DSEL: variants seen among roughly 807,000 people sequenced by gnomAD.
The protein encoded by DSEL is dermatan sulfate epimerase like.
Under a neutral mutation model 96.6 loss-of-function variants are expected in DSEL, and 61 were observed. The ratio of observed to expected loss-of-function variants is 0.63; its 90% CI spans 0.51 to 0.78. The LOEUF (loss-of-function observed/expected upper bound fraction) is 0.78, where lower values mean the gene tolerates loss of function less well. DSEL is among the 30% of genes least tolerant of loss of function. DSEL has a pLI of 0.00. For synonymous variants in DSEL, 514 were observed against 502.0 expected, an observed-to-expected ratio of 1.02 and a Z score of -0.32; for missense variants, 1,320 against 1,430.8, an observed-to-expected ratio of 0.92 and a Z score of 1.25.
intron 1 of DSEL, among the ~76,000 whole-genome samples, 186 bp from the exon 2 acceptor site, chr18:67,515,678 T>G (rs1171610170): frequency 3.9e-5 from 6 of 152,190 alleles, no homozygotes; most frequent in African/African-American, 1.2e-4. Flanking sequence ...ACGCACTTAT[T>G]TGGAAACCAG....
Position 67,513,030 on chromosome 18 carries a change from T to G in DSEL, c.1579A>C (p.Lys527Gln), listed in dbSNP as rs762297300. Reference protein sequence around the residue: ...GQLGECAQWLKWTGEEVGDAA... With the variant: ...GQLGECAQWLQWTGEEVGDAA... The stretch of plus-strand genomic sequence containing the variant: ...TCACCAACCTCCTCGCCAGTCCACT[T>G]AAGCCACTGCGCACATTCTCCCAGT... The change falls in exon 2 of 2, where the codon AAG becomes CAG. Residue 527 changes from lysine (K) to glutamine (Q), a missense_variant. By Grantham distance (53) the Lys-to-Gln change is moderately conservative (BLOSUM62 1). Around this residue, in one of 3 missense-constraint regions of DSEL, gnomAD observed 986 missense variants for 1,066.4 expected, o/e 0.92. Coordinates refer to ENST00000310045, the MANE Select transcript of DSEL (RefSeq NM_032160.3). 29 of 1,614,098 alleles carry G rather than the reference T, an allele frequency of 1.8e-5. No homozygotes were observed. The highest frequency in any genetic ancestry group is 2.3e-5 in the Non-Finnish European group (27 of 1,180,050).
In DSEL at chr18:67,510,645, A is replaced by C; in HGVS notation, c.*325T>G. The stretch of plus-strand genomic sequence containing the variant: ...TCTAGATAGATTAGCACAGTTACAG[A>C]TGAAGGGGAGTTAGACAAAAACTTA... On this transcript the variant is annotated 3_prime_UTR_variant, in exon 2 of 2. Coordinates refer to ENST00000310045, the MANE Select transcript of DSEL (RefSeq NM_032160.3). 1 of 269,860 alleles carries C rather than the reference A, an allele frequency of 3.7e-6. No individual in the cohort carries two copies. Among genetic ancestry groups the C allele is most frequent in the East Asian group, 7.2e-5 (1 of 13,856 alleles). 16.7% of individuals were successfully genotyped at this position (269,860 alleles called of 1,614,324 possible). A position where few individuals can be genotyped will look rare whatever the true frequency, so the allele number is the denominator to read the frequency against.
Position 67,512,807 on chromosome 18 carries a change from A to AT in DSEL, c.1801_1802insA (p.Phe601TyrfsTer4). ...AAAATCAATATCCAAATTATGAAAG[A>AT]AGGCACTGACAGAATTTATTGGGGA... On this transcript the variant is annotated frameshift_variant, in exon 2 of 2. Transcript: ENST00000310045. LOFTEE classifies it high-confidence loss of function. 2 of 1,614,060 alleles carry AT rather than the reference A, an allele frequency of 1.2e-6. No homozygotes were observed. The highest frequency in any genetic ancestry group is 1.7e-6 in the Non-Finnish European group (2 of 1,180,020).
chr18:67,511,287 C>T lies in DSEL; in HGVS notation c.3322G>A (p.Ala1108Thr), dbSNP rs769742441. ...LLSHLWLANT[A>T]AALRINTDLL... ...TCTGTATTTATTCTCAAGGCTGCTG[C>T]TGTATTTGCTAGCCACAAGTGAGAC... The change falls in exon 2 of 2, where the codon GCA becomes ACA. Residue 1108 changes from alanine to threonine, a missense_variant. Around this residue, in one of 3 missense-constraint regions of DSEL, gnomAD observed 986 missense variants for 1,066.4 expected, o/e 0.92. Transcript: ENST00000310045. 2.5e-5 allele frequency: 41 copies of T among 1,609,646 alleles called. No individual in the cohort carries two copies. Among genetic ancestry groups the T allele is most frequent in the Non-Finnish European group, 3.3e-5 (39 of 1,179,988 alleles).
Position 67,511,707 on chromosome 18 carries a change from G to A in DSEL, c.2902C>T (p.Pro968Ser), listed in dbSNP as rs189476178. The A allele has an allele frequency of 4.1e-5, 66 of 1,613,960 alleles. No homozygotes were observed. Among genetic ancestry groups the A allele is most frequent in the Admixed American group, 6.7e-5 (4 of 60,018 alleles). The change falls in exon 2 of 2, where the codon CCA (proline) becomes TCA (serine). Residue 968 changes from proline to serine, a missense_variant. Around this residue, in one of 3 missense-constraint regions of DSEL, gnomAD observed 986 missense variants for 1,066.4 expected, o/e 0.92. Transcript: ENST00000310045. ...KRKFKRRESL[P>S]EQRSQMKGAF... ...CCTTTCATTTGACTTCTTTGTTCTG[G>A]CAAAGACTCTCTCCTTTTAAATTTT...
In DSEL at chr18:67,511,319, G is replaced by A; in HGVS notation, c.3290C>T (p.Ser1097Phe). The A allele has an allele frequency of 6.2e-7, 1 of 1,607,284 alleles. No individual in the cohort carries two copies. Among genetic ancestry groups the A allele is most frequent in the East Asian group, 2.2e-5 (1 of 44,874 alleles). The part of the protein sequence containing the change: ...ELSKSKSNAV[S>F]LLSHLWLANT... ...TGCTAGCCACAAGTGAGACAAGAGGGACACTGCATTTGATTTGGATTTTGA... is the reference window on the plus strand; with the variant it reads ...TGCTAGCCACAAGTGAGACAAGAGGAACACTGCATTTGATTTGGATTTTGA... The change falls in exon 2 of 2, where the codon TCC becomes TTC. Residue 1097 changes from serine (S) to phenylalanine (F), a missense_variant. Physicochemically the swap from Ser to Phe is radical, Grantham distance 155. This residue lies in a region of DSEL where 986 missense variants were observed against 1,066.4 expected (regional missense o/e 0.92). Transcript: ENST00000310045.
Position 67,514,359 on chromosome 18 carries a change from A to G in DSEL, c.250T>C (p.Leu84=), listed in dbSNP as rs754294396. 1 of 1,614,192 alleles carries G rather than the reference A, an allele frequency of 6.2e-7. No individual in the cohort carries two copies. The highest frequency in any genetic ancestry group is 1.7e-5 in the Admixed American group (1 of 60,028). ...AMRQKSRASH[L]HLFRAIRSAV... is the part of the protein sequence containing the mutation. The stretch of plus-strand genomic sequence containing the variant: ...CTTCTGATAGCTCTAAAAAGATGCA[A>G]ATGGCTTGCACGAGACTTTTGTCTC... Residue 84 remains leucine, a synonymous_variant, in exon 2 of 2, where the codon TTG becomes CTG. Transcript: ENST00000310045.
rs753949426 is a variant in DSEL, at chr18:67,513,709, G to T, written c.900C>A (p.Ile300=). The T allele has an allele frequency of 1.4e-5, 22 of 1,614,200 alleles. No individual in the cohort carries two copies. The East Asian group carries it at 2.0e-4, about 15-fold the overall frequency. ...TTAACCAGTTATTATCCAAGTTGTT[G>T]ATATTAAAATGGCGCTGGGCCAGAA... ...YVFLAQRHFN[I]NNLDNNWLKM... is the part of the protein sequence containing the mutation. The change falls in exon 2 of 2, where the codon ATC becomes ATA. Residue 300 remains isoleucine (I), a synonymous_variant. Transcript: ENST00000310045.
At position 67,514,671 on chromosome 18, in the gene DSEL, A is replaced by G. The variant is rs752176240; in HGVS notation, c.-63T>C. 8.3e-6 allele frequency: 13 copies of G among 1,567,970 alleles called. No individual in the cohort carries two copies. Among genetic ancestry groups the G allele is most frequent in the Non-Finnish European group, 1.0e-5 (12 of 1,151,832 alleles). On this transcript the variant is annotated 5_prime_UTR_variant, in exon 2 of 2. An upstream start codon of the reference 5' UTR is lost. Coordinates refer to ENST00000310045, the MANE Select transcript of DSEL (RefSeq NM_032160.3). Reference sequence around the variant, plus strand: ...AGATATGATGCTCAATGTGTTTCCCATCTGGTTAGTATAAAACATACAGTA... The same window carrying G: ...AGATATGATGCTCAATGTGTTTCCCGTCTGGTTAGTATAAAACATACAGTA...
rs768554918 is a variant in DSEL at position 67,513,425 on chromosome 18, T to G, written c.1184A>C (p.Gln395Pro). 4 of 1,614,080 alleles carry G rather than the reference T, an allele frequency of 2.5e-6. No individual in the cohort carries two copies. Among genetic ancestry groups the G allele is most frequent in the Admixed American group, 3.3e-5 (2 of 60,004 alleles). Residue 395 changes from glutamine to proline, a missense_variant, in exon 2 of 2, where the codon CAG (glutamine) becomes CCG (proline). By Grantham distance (76) the Gln-to-Pro change is moderately conservative. Transcript: ENST00000310045. ...LHTEYIWYDPQLTPQPPADYG... is the reference protein window; with the variant it reads ...LHTEYIWYDPPLTPQPPADYG... ...ATCAGCAGGTGGCTGTGGTGTGAGC[T>G]GGGGATCATACCAGATGTATTCAGT...
In DSEL at chr18:67,513,477, T is replaced by G. The variant is rs190938093; in HGVS notation, c.1132A>C (p.Thr378Pro). 6.2e-7 allele frequency: 1 copy of G among 1,614,192 alleles called. No homozygotes were observed. Among genetic ancestry groups the G allele is most frequent in the South Asian group, 1.1e-5 (1 of 91,086 alleles). The change falls in exon 2 of 2, where the codon ACT becomes CCT. Residue 378 changes from threonine to proline, a missense_variant. By Grantham distance (38) the Thr-to-Pro change is conservative. This residue lies in a region of DSEL where 986 missense variants were observed against 1,066.4 expected (regional missense o/e 0.92). Coordinates refer to ENST00000310045, the MANE Select transcript of DSEL (RefSeq NM_032160.3). ...TGAAGAGTACTCCACCTTTGGGCAG[T>G]TGAAGGAACCATCGGTCCATCTTTA... The part of the protein sequence containing the change: ...RPKDGPMVPS[T>P]AQRWSTLHTE...
In DSEL at chr18:67,511,098, C is replaced by G. The variant is rs755096257; in HGVS notation, c.3511G>C (p.Glu1171Gln). The change falls in exon 2 of 2, where the codon GAA becomes CAA. Residue 1171 changes from glutamate to glutamine, a missense_variant. Physicochemically the swap from Glu to Gln is conservative, Grantham distance 29. This residue lies in a region of DSEL where 986 missense variants were observed against 1,066.4 expected (regional missense o/e 0.92). Coordinates refer to ENST00000310045, the MANE Select transcript of DSEL (RefSeq NM_032160.3). ...TSTNLFYLPY[E>Q]GEISPTNTNV... ...GTATTAGTTGGTGATATTTCCCCTTCATAGGGAAGGTAAAAAAGGTTTGTA... is the reference window on the plus strand; with the variant it reads ...GTATTAGTTGGTGATATTTCCCCTTGATAGGGAAGGTAAAAAAGGTTTGTA... 1.2e-6 allele frequency: 2 copies of G among 1,614,082 alleles called. No homozygotes were observed.
At position 67,512,852 on chromosome 18, in the gene DSEL, T is replaced by C. The variant is rs770108961; in HGVS notation, c.1757A>G (p.His586Arg). The change falls in exon 2 of 2, where the codon CAT (histidine) becomes CGT (arginine). Residue 586 changes from histidine (H) to arginine (R), a missense_variant. Physicochemically the swap from His to Arg is conservative, Grantham distance 29 (BLOSUM62 0). Transcript: ENST00000310045. ...LNSQTLLVVD[H>R]IERQEDSPIN... ...TGGGGAATCTTCTTGCCTCTCAATATGATCAACAACTAGCAGAGTTTGGGA... is the reference window on the plus strand; with the variant it reads ...TGGGGAATCTTCTTGCCTCTCAATACGATCAACAACTAGCAGAGTTTGGGA... 2 of 1,614,110 alleles carry C rather than the reference T, an allele frequency of 1.2e-6. No individual in the cohort carries two copies. The highest frequency in any genetic ancestry group is 1.7e-6 in the Non-Finnish European group (2 of 1,180,038).
In DSEL at chr18:67,511,317, G is replaced by A; in HGVS notation, c.3292C>T (p.Leu1098Phe). 1 of 1,607,500 alleles carries A rather than the reference G, an allele frequency of 6.2e-7. No individual in the cohort carries two copies. The stretch of plus-strand genomic sequence containing the variant: ...TTTGCTAGCCACAAGTGAGACAAGA[G>A]GGACACTGCATTTGATTTGGATTTT... ...LSKSKSNAVSLLSHLWLANTA... is the reference protein window; with the variant it reads ...LSKSKSNAVSFLSHLWLANTA... Residue 1098 changes from leucine (L) to phenylalanine (F), a missense_variant, in exon 2 of 2, where the codon CTC becomes TTC. Around this residue, in one of 3 missense-constraint regions of DSEL, gnomAD observed 986 missense variants for 1,066.4 expected, o/e 0.92. Coordinates refer to ENST00000310045, the MANE Select transcript of DSEL (RefSeq NM_032160.3).
Position 67,510,914 on chromosome 18 carries a change from T to G in DSEL, c.*56A>C. 7.1e-7 allele frequency: 1 copy of G among 1,415,978 alleles called. No homozygotes were observed. The highest frequency in any genetic ancestry group is 9.6e-7 in the Non-Finnish European group (1 of 1,044,348). The allele number at this position is 1,415,978 out of a possible 1,614,324, so 87.7% of individuals were successfully genotyped here. A position where few individuals can be genotyped will look rare whatever the true frequency, so the allele number is the denominator to read the frequency against. ...AATAAACAAACTCTTCTGATTCATATCCACAAAGTGGGTTGGTAAGTATTA... is the reference window on the plus strand; with the variant it reads ...AATAAACAAACTCTTCTGATTCATAGCCACAAAGTGGGTTGGTAAGTATTA... On this transcript the variant is annotated 3_prime_UTR_variant, in exon 2 of 2. Transcript: ENST00000310045.
rs2144051083 is a variant in DSEL at position 67,512,448 on chromosome 18, A to T, written c.2161T>A (p.Tyr721Asn). The change falls in exon 2 of 2, where the codon TAC (tyrosine) becomes AAC (asparagine). Residue 721 changes from tyrosine (Y) to asparagine (N), a missense_variant. Physicochemically the swap from Tyr to Asn is moderately radical, Grantham distance 143 (BLOSUM62 -2). This residue lies in a region of DSEL where 986 missense variants were observed against 1,066.4 expected (regional missense o/e 0.92). Coordinates refer to ENST00000310045, the MANE Select transcript of DSEL (RefSeq NM_032160.3). The stretch of plus-strand genomic sequence containing the variant: ...TTGAATCTTGTCTTCAGGTTATGGT[A>T]ATCAGTTACAATAGAAACAACATGT... ...TEHVVSIVTD[Y>N]HNLKTRFNYL... The T allele has an allele frequency of 1.2e-6, 2 of 1,614,178 alleles. No individual in the cohort carries two copies. Among genetic ancestry groups the T allele is most frequent in the East Asian group, 2.2e-5 (1 of 44,878 alleles).
rs2089419069 is a variant in DSEL at position 67,507,843 on chromosome 18, AC to A, written c.*3126del. 6.6e-6 allele frequency: 1 copy of A among 152,194 alleles called. No individual in the cohort carries two copies. Among genetic ancestry groups the A allele is most frequent in the South Asian group, 2.1e-4 (1 of 4,826 alleles). The allele number at this position is 152,194 out of a possible 1,614,324, so 9.4% of individuals were successfully genotyped here. On this transcript the variant is annotated 3_prime_UTR_variant, in exon 2 of 2. Transcript: ENST00000310045. Reference sequence around the variant, plus strand: ...TTAAATTTTAAATTAAATTCTACAAACTAAATCTATGCAGATTTAGCTTCTT... The same window carrying A: ...TTAAATTTTAAATTAAATTCTACAAATAAATCTATGCAGATTTAGCTTCTT...
rs1366739573 is a variant in DSEL at position 67,511,949 on chromosome 18, T to C, written c.2660A>G (p.Tyr887Cys). The change falls in exon 2 of 2, where the codon TAC becomes TGC. Residue 887 changes from tyrosine (Y) to cysteine (C), a missense_variant. This residue lies in a region of DSEL where 986 missense variants were observed against 1,066.4 expected (regional missense o/e 0.92). Coordinates refer to ENST00000310045, the MANE Select transcript of DSEL (RefSeq NM_032160.3). Reference protein sequence around the residue: ...DFLYIRVPTAYIDIPETELEI... With the variant: ...DFLYIRVPTACIDIPETELEI... ...CAACTCAGTTTCAGGAATATCAATG[T>C]AGGCTGTAGGAACCCTGATGTAGAG... 18 of 1,614,074 alleles carry C rather than the reference T, an allele frequency of 1.1e-5. No individual in the cohort carries two copies. The highest frequency in any genetic ancestry group is 2.7e-5 in the African/African-American group (2 of 74,930).
rs1173330375 is a variant in DSEL at position 67,515,186 on chromosome 18, CT to C, written c.-579del. 1 of 167,044 alleles carries C rather than the reference CT, an allele frequency of 6.0e-6. No individual in the cohort carries two copies. The highest frequency in any genetic ancestry group is 2.4e-5 in the African/African-American group (1 of 41,440). The allele number at this position is 167,044 out of a possible 1,614,324, so 10.3% of individuals were successfully genotyped here. A position where few individuals can be genotyped will look rare whatever the true frequency, so the allele number is the denominator to read the frequency against. On this transcript the variant is annotated 5_prime_UTR_variant, in exon 2 of 2. It introduces an in-frame stop codon into an upstream open reading frame of the 5' UTR. Transcript: ENST00000310045. Reference sequence around the variant, plus strand: ...CTTCTTGTCTTGTGAATACGTTTTTCTTTCATTTATGAGAGAGAAACATCCT... The same window carrying C: ...CTTCTTGTCTTGTGAATACGTTTTTCTTCATTTATGAGAGAGAAACATCCT...
Sources: allele counts gnomAD v4.1 joint callset (sites outside exome capture counted in the v4.1 genomes callset), GRCh38; gene constraint gnomAD v4.1.1; regional missense constraint gnomAD v4.1.1; transcripts MANE v1.5; gene names NCBI Gene and HGNC (gene_info 2026-07-23, HGNC 2026-07-21).